Variants in PDE4B observed in about 807,000 individuals in gnomAD.
PDE4B encodes the protein phosphodiesterase 4B.
In PDE4B, 20 loss-of-function variants were observed where a neutral mutation model predicts 82.2. That is an observed-to-expected ratio of 0.24 (90% CI 0.17 to 0.35). PDE4B has a LOEUF of 0.35. Among genes scored for constraint, PDE4B ranks in the 10% least tolerant of loss-of-function variants. The pLI is 1.00. For missense variants in PDE4B, 655 were observed against 907.2 expected (o/e 0.72, Z 3.57); for synonymous variants, 320 against 318.9 (o/e 1.00, Z -0.04).
intron 3 of PDE4B, among the ~76,000 whole-genome samples, chr1:66,105,794 C>A (rs1164840675): frequency 6.6e-6 from 1 of 151,828 alleles, no homozygotes; most frequent in Non-Finnish European, 1.5e-5. Flanking sequence ...GATTTTGTAT[C>A]CTGAGACTTT....
At chr1:65,844,384 C>G (rs945815560) in intron 1 of PDE4B, among the ~76,000 whole-genome samples, 1 of 152,148 alleles carries the variant, frequency 6.6e-6, no homozygotes. Flanking sequence ...TGTTTGGCAT[C>G]GCCTTGATGA....
At chr1:66,365,805 A>G (rs369570762) in intron 13 of PDE4B, 39 bp downstream of exon 13, 2 of 1,153,584 alleles carry the variant, frequency 1.7e-6, no homozygotes, top group African/African-American at 1.5e-5. Flanking sequence ...AGATAATTGT[A>G]TGATTCACTG....
chr1:66,322,332 A>G (rs556766099), intron 7 of PDE4B, among the ~76,000 whole-genome samples: 59 of 152,168 alleles, frequency 3.9e-4, no homozygotes, highest in Admixed American at 5.2e-4. Flanking sequence ...TAATTAAACT[A>G]AAGAGCTTCT....
At chr1:65,970,339 G>A (rs757695462) in intron 3 of PDE4B, among the ~76,000 whole-genome samples, 21 of 152,016 alleles carry the variant, frequency 1.4e-4, no homozygotes, top group Non-Finnish European at 2.5e-4. Flanking sequence ...ATGTCCAGAG[G>A]CAGGGGCTAG....
chr1:66,143,140 G>T (rs959020814), intron 3 of PDE4B, among the ~76,000 whole-genome samples: 1 of 152,202 alleles, frequency 6.6e-6, no homozygotes, highest in African/African-American at 2.4e-5. Context: ...TGCTTATGAA[G>T]GACTTCTCTT....
intron 3 of PDE4B, among the ~76,000 whole-genome samples, chr1:65,936,013 C>T (rs148043305): frequency 7.9e-5 from 12 of 152,128 alleles, no homozygotes; most frequent in African/African-American, 2.6e-4. Context: ...TTTGTTATAT[C>T]CTTATTCTAT....
At chr1:65,845,696 T>C (rs904175173) in intron 1 of PDE4B, among the ~76,000 whole-genome samples, 2 of 152,204 alleles carry the variant, frequency 1.3e-5, no homozygotes, top group Admixed American at 1.3e-4. Flanking sequence ...TTCTGGTCTC[T>C]GTCCATGTAG....
chr1:65,799,191 T>C (rs1250260393), intron 1 of PDE4B, among the ~76,000 whole-genome samples: 2 of 152,222 alleles, frequency 1.3e-5, no homozygotes, highest in Non-Finnish European at 2.9e-5. Context: ...TTCAACCTTA[T>C]TGTTTTATAT....
In PDE4B at chr1:66,055,292, G is replaced by A. The variant is rs183634781; in HGVS notation, c.281+136457G>A. Among the ~76,000 whole-genome samples, 12 of 152,256 alleles carry A rather than the reference G, an allele frequency of 7.9e-5. No homozygotes were observed. In the East Asian group the frequency reaches 1.7e-3, roughly 22 times the overall value. On this transcript the variant is annotated intron_variant, in intron 3 of 16. Coordinates refer to ENST00000341517, the MANE Select transcript of PDE4B (RefSeq NM_002600.4). Reference sequence around the variant, plus strand: ...ATTGTAAAGAGCATGTTTGCGTAACGCTTATCAGGTGAGTTACTTTTGACT... The same window carrying A: ...ATTGTAAAGAGCATGTTTGCGTAACACTTATCAGGTGAGTTACTTTTGACT...
chr1:66,090,598 A>G lies in PDE4B; in HGVS notation c.282-156862A>G, dbSNP rs765987256. 3.4e-3 allele frequency among the ~76,000 whole-genome samples: 244 copies of G among 71,410 alleles called. 2 individuals carry two copies. The highest frequency in any genetic ancestry group is 3.7e-3 in the Non-Finnish European group (142 of 38,272). The allele number at this position is 71,410 out of a possible 152,430, so 46.8% of individuals were successfully genotyped here. On this transcript the variant is annotated intron_variant, in intron 3 of 16. Transcript: ENST00000341517. ...CCCCGAGGTCTTAGATGACAAAATTATATATATATATGTATATAATATATG... is the reference window on the plus strand; with the variant it reads ...CCCCGAGGTCTTAGATGACAAAATTGTATATATATATGTATATAATATATG...
At chr1:65,928,004 A>G (rs1647602698) in intron 3 of PDE4B, among the ~76,000 whole-genome samples, 1 of 152,120 alleles carries the variant, frequency 6.6e-6, no homozygotes, top group African/African-American at 2.4e-5. Context: ...CCACAGTGAC[A>G]TTTTGGGTCC....
intron 7 of PDE4B, among the ~76,000 whole-genome samples, chr1:66,277,854 GC>G (rs1389739113): frequency 2.0e-5 from 3 of 152,298 alleles, no homozygotes; most frequent in African/African-American, 7.2e-5. Context: ...CAGCAAGACT[GC>G]CTGCACTTAG....
intron 1 of PDE4B, among the ~76,000 whole-genome samples, chr1:65,894,486 A>G (rs1646887747): frequency 1.3e-5 from 2 of 152,184 alleles, no homozygotes; most frequent in South Asian, 2.1e-4. Flanking sequence ...GATTTCTTAG[A>G]ACACAAAATG....
At chr1:66,337,558 C>T (rs1304436633) in intron 8 of PDE4B, among the ~76,000 whole-genome samples, 1 of 152,100 alleles carries the variant, frequency 6.6e-6, no homozygotes, top group African/African-American at 2.4e-5. Flanking sequence ...GCTCACAGGT[C>T]CCTGGAGATG....
chr1:65,952,617 G>A (rs139345277), intron 3 of PDE4B, among the ~76,000 whole-genome samples: 2 of 152,028 alleles, frequency 1.3e-5, no homozygotes, highest in Admixed American at 1.3e-4. Flanking sequence ...CAGAGATGGA[G>A]GTTTCAGTGA....
chr1:66,132,654 G>A lies in PDE4B; in HGVS notation c.282-114806G>A, dbSNP rs1645973933. Among the ~76,000 whole-genome samples, 4 of 152,130 alleles carry A rather than the reference G, an allele frequency of 2.6e-5. No individual in the cohort carries two copies. In the South Asian group the frequency reaches 6.2e-4, roughly 24 times the overall value. On this transcript the variant is annotated intron_variant, in intron 3 of 16. Coordinates refer to ENST00000341517, the MANE Select transcript of PDE4B (RefSeq NM_002600.4). The stretch of plus-strand genomic sequence containing the variant: ...TTAGACATGAAGGCCTGCTGAGACT[G>A]CGTGACTGGATTATTTCTTTCGTAT...
intron 1 of PDE4B, among the ~76,000 whole-genome samples, chr1:65,894,605 G>GT (rs1646888867): frequency 6.6e-6 from 1 of 152,080 alleles, no homozygotes; most frequent in African/African-American, 2.4e-5. Context: ...TGAAGGAAAT[G>GT]TTTACAAAGC....
intron 3 of PDE4B, among the ~76,000 whole-genome samples, chr1:65,986,224 G>T (rs560719889): frequency 3.9e-5 from 6 of 152,234 alleles, no homozygotes; most frequent in South Asian, 2.1e-4. Flanking sequence ...AGGTGAATAC[G>T]ATAGTTTATG....
At chr1:65,869,879 A>G (rs1166999426) in intron 1 of PDE4B, among the ~76,000 whole-genome samples, 1 of 151,690 alleles carries the variant, frequency 6.6e-6, no homozygotes, top group African/African-American at 2.4e-5. Context: ...GTAACTTGTA[A>G]CTTTTTTCAT....
Sources: allele counts gnomAD v4.1 joint callset (sites outside exome capture counted in the v4.1 genomes callset), GRCh38; gene constraint gnomAD v4.1.1; transcripts MANE v1.5; gene names NCBI Gene and HGNC (gene_info 2026-07-23, HGNC 2026-07-21).